The following ITPR1 variants were observed in gnomAD, a reference collection of about 807,000 sequenced individuals.
The protein encoded by ITPR1 is inositol 1,4,5-trisphosphate-gated calcium channel ITPR1.
ITPR1 carries 96 observed loss-of-function variants against 318.4 expected under a neutral mutation model. That is an observed-to-expected ratio of 0.30 (90% confidence interval 0.26 to 0.36). The LOEUF (loss-of-function observed/expected upper bound fraction) is 0.36. Ranked by LOEUF, ITPR1 falls within the 10% of genes least tolerant of loss-of-function variation. The pLI, the probability that ITPR1 is intolerant of heterozygous loss-of-function variation, is 1.00. For synonymous variants in ITPR1, 1,312 were observed against 1,289.9 expected, an observed-to-expected ratio of 1.02 and a Z score of -0.37; for missense variants, 2,440 against 3,460.2, an observed-to-expected ratio of 0.71 and a Z score of 7.40.
chr3:4,681,017 C>T (rs1417352645), intron 25 of ITPR1, among the ~76,000 whole-genome samples: 1 of 152,062 alleles, frequency 6.6e-6, no homozygotes, highest in Non-Finnish European at 1.5e-5. Flanking sequence ...ACTTCTTGAC[C>T]ACTAGCAGCT....
chr3:4,742,823 T>C (rs1339895385), intron 44 of ITPR1, among the ~76,000 whole-genome samples: 1 of 152,232 alleles, frequency 6.6e-6, no homozygotes, highest in Non-Finnish European at 1.5e-5. Context: ...GTTTTCTGTC[T>C]AAAATCCTAC....
At chr3:4,737,586 A>G (rs930512647) in intron 44 of ITPR1, among the ~76,000 whole-genome samples, 13 of 152,198 alleles carry the variant, frequency 8.5e-5, no homozygotes, top group African/African-American at 2.9e-4. Context: ...GTTCATATAT[A>G]GGAGCAGTGC....
chr3:4,568,873 C>G (rs974186974), intron 4 of ITPR1, among the ~76,000 whole-genome samples: 6 of 152,104 alleles, frequency 3.9e-5, no homozygotes, highest in Admixed American at 3.9e-4. Context: ...GCTCACAGTT[C>G]TGCAGTCTGT....
chr3:4,615,167 T>C (rs1231110562), intron 4 of ITPR1, among the ~76,000 whole-genome samples: 3 of 152,142 alleles, frequency 2.0e-5, no homozygotes, highest in Non-Finnish European at 4.4e-5. Flanking sequence ...TCCACATTGC[T>C]CCTGGACCTC....
intron 4 of ITPR1, among the ~76,000 whole-genome samples, chr3:4,612,636 C>T (rs1294489889): frequency 6.6e-6 from 1 of 151,952 alleles, no homozygotes; most frequent in Non-Finnish European, 1.5e-5. Flanking sequence ...CCTGTAATCC[C>T]AGCACTTTTG....
chr3:4,545,065 G>A (rs1480309873), intron 4 of ITPR1, among the ~76,000 whole-genome samples: 1 of 152,002 alleles, frequency 6.6e-6, no homozygotes, highest in African/African-American at 2.4e-5. Flanking sequence ...CAAAGTGCTG[G>A]GATTACAGGT....
At chr3:4,503,860 G>C (rs139697223) in intron 2 of ITPR1, among the ~76,000 whole-genome samples, 1,573 of 152,222 alleles carry the variant, frequency 0.01, 23 homozygotes, top group African/African-American at 0.036. Flanking sequence ...TATGTGGGCA[G>C]AGGGGTGTCT....
intron 4 of ITPR1, among the ~76,000 whole-genome samples, chr3:4,598,047 C>T (rs924257900): frequency 4.6e-5 from 7 of 152,182 alleles, no homozygotes; most frequent in African/African-American, 1.2e-4. Flanking sequence ...CCGTTTCCTG[C>T]GTCTTATTGG....
chr3:4,636,865 C>G (rs1030923541), intron 5 of ITPR1, among the ~76,000 whole-genome samples: 6 of 152,220 alleles, frequency 3.9e-5, no homozygotes, highest in African/African-American at 1.4e-4. Flanking sequence ...TTTAATTAGT[C>G]TTTAATGTGG....
chr3:4,502,395 T>A (rs2081086352), intron 2 of ITPR1, among the ~76,000 whole-genome samples: 1 of 152,160 alleles, frequency 6.6e-6, no homozygotes, highest in South Asian at 2.1e-4. Flanking sequence ...TATATGTTTT[T>A]TCTCCCTTTG....
At chr3:4,707,861 C>T (rs6774387) in intron 37 of ITPR1, among the ~76,000 whole-genome samples, 41,236 of 152,060 alleles carry the variant, frequency 0.27, 6,761 homozygotes, top group Non-Finnish European at 0.38. Context: ...CAGATGAATT[C>T]GTTAAATCAT....
intron 4 of ITPR1, among the ~76,000 whole-genome samples, chr3:4,567,590 G>A (rs1304918885): frequency 1.4e-5 from 2 of 143,972 alleles, no homozygotes; most frequent in African/African-American, 5.1e-5. Flanking sequence ...TAGGGGAGGT[G>A]ACGCTTGAGC....
At chr3:4,503,334 G>A (rs1282811421) in intron 2 of ITPR1, among the ~76,000 whole-genome samples, 1 of 152,182 alleles carries the variant, frequency 6.6e-6, no homozygotes, top group East Asian at 1.9e-4. Context: ...GCAGTACCGA[G>A]TGTTGACTGC....
chr3:4,620,426 G>C (rs561502288), intron 4 of ITPR1, among the ~76,000 whole-genome samples: 7 of 152,086 alleles, frequency 4.6e-5, no homozygotes, highest in African/African-American at 1.7e-4. Flanking sequence ...CCAATCCTCC[G>C]TTACTGGTCC....
intron 44 of ITPR1, among the ~76,000 whole-genome samples, chr3:4,765,137 G>T (rs1447806407): frequency 6.6e-6 from 1 of 152,198 alleles, no homozygotes; most frequent in Admixed American, 6.5e-5. Flanking sequence ...CTTGGTTCCA[G>T]AGTGGGAGTC....
At position 4,645,470 on chromosome 3, in the gene ITPR1, G is replaced by C. The variant is rs1421893073; in HGVS notation, c.708G>C (p.Gly236=). The change falls in exon 9 of 62, where the codon GGG becomes GGC. Residue 236 remains glycine, a splice_region_variant and synonymous_variant. Transcript: ENST00000649015. ...WSDNKDDILK[G]GDVVRLFHAE... is the part of the protein sequence containing the mutation. The stretch of plus-strand genomic sequence containing the variant: ...ATAACAAAGACGACATATTAAAGGG[G>C]GTGAGTTTGATGCTTTATGGGCTGA... 2 of 1,611,596 alleles carry C rather than the reference G, an allele frequency of 1.2e-6. No homozygotes were observed. The highest frequency in any genetic ancestry group is 1.6e-4 in the Middle Eastern group (1 of 6,062).
chr3:4,781,172 C>T (rs2046813862), intron 49 of ITPR1, among the ~76,000 whole-genome samples: 1 of 152,236 alleles, frequency 6.6e-6, no homozygotes. Flanking sequence ...CCGTTACTTC[C>T]AGGGCCTGAC....
At chr3:4,724,949 G>T (rs1003194828) in intron 40 of ITPR1, among the ~76,000 whole-genome samples, 7 of 152,162 alleles carry the variant, frequency 4.6e-5, no homozygotes, top group Admixed American at 1.3e-4. Flanking sequence ...AACCCTGAGT[G>T]CAGGAAACCT....
rs866133718 is a variant in ITPR1 at position 4,775,154 on chromosome 3, A to T, written c.5980-88A>T. The T allele has an allele frequency of 1.3e-5, 12 of 953,812 alleles. No homozygotes were observed. The South Asian group carries it at 1.6e-4, about 12-fold the overall frequency. 59.1% of individuals were successfully genotyped at this position (953,812 alleles called of 1,614,324 possible). On this transcript the variant is annotated intron_variant, in intron 46 of 61. Coordinates refer to ENST00000649015, the MANE Select transcript of ITPR1 (RefSeq NM_001378452.1). ...CATCTCTCTGTATAATTACCAACCT[A>T]TTAGAGGCTATCAGAATGGCAGGAT... is the stretch of plus-strand genomic sequence containing the variant.
Sources: gnomAD v4.1 joint callset for allele counts (sites outside exome capture counted in the v4.1 genomes callset) on GRCh38, gnomAD v4.1.1 for gene constraint, MANE v1.5 for transcripts, NCBI Gene and HGNC (gene_info 2026-07-23, HGNC 2026-07-21) for gene names.